Variants in FBXW8 observed in about 807,000 individuals in gnomAD.
The protein encoded by FBXW8 is F-box and WD repeat domain containing 8, also known as F-box/WD repeat-containing protein 8.
In FBXW8, 57 loss-of-function variants were observed where a neutral mutation model predicts 65.3. The observed-to-expected ratio is 0.87, with a 90% CI of 0.71 to 1.09. The LOEUF is 1.09. Among genes scored for constraint, FBXW8 ranks in the 50% least tolerant of loss-of-function variants. The probability of loss-of-function intolerance (pLI) is 0.00; values close to 1 mark genes in which losing one functional copy is unlikely to be tolerated. For missense variants in FBXW8, 777 were observed against 814.8 expected, an observed-to-expected ratio of 0.95 and a Z score of 0.57; for synonymous variants, 308 against 330.2, an observed-to-expected ratio of 0.93 and a Z score of 0.73.
chr12:116,955,303 G>A (rs1443297509), intron 4 of FBXW8, among the ~76,000 whole-genome samples: 3 of 152,196 alleles, frequency 2.0e-5, no homozygotes, highest in African/African-American at 4.8e-5. Flanking sequence ...GAGATAAGTG[G>A]ACGTGCCTTC....
chr12:116,999,489 A>T (rs1953455641), intron 7 of FBXW8, among the ~76,000 whole-genome samples: 1 of 152,220 alleles, frequency 6.6e-6, no homozygotes, highest in Admixed American at 6.5e-5. Flanking sequence ...CACAAGTTTT[A>T]AAAGTATGTT....
intron 2 of FBXW8, among the ~76,000 whole-genome samples, chr12:116,933,054 AGAGCCTAT>A (rs1192720222): frequency 6.6e-6 from 1 of 152,206 alleles, no homozygotes; most frequent in African/African-American, 2.4e-5. Flanking sequence ...AACTGTGCTC[AGAGCCTAT>A]GAGTTGCATT....
chr12:116,975,756 A>G (rs1229302775), intron 5 of FBXW8, among the ~76,000 whole-genome samples: 5 of 152,218 alleles, frequency 3.3e-5, no homozygotes, highest in Non-Finnish European at 4.4e-5. Flanking sequence ...GAAACAGCAG[A>G]CAATTGAGAG....
At chr12:116,982,956 C>T (rs1449766242) in intron 5 of FBXW8, among the ~76,000 whole-genome samples, 2 of 152,080 alleles carry the variant, frequency 1.3e-5, no homozygotes, top group African/African-American at 2.4e-5. Context: ...AACTTCATGA[C>T]GTACCAAGTC....
At chr12:117,022,354 T>C (rs1954118442) in intron 8 of FBXW8, among the ~76,000 whole-genome samples, 1 of 144,414 alleles carries the variant, frequency 6.9e-6, no homozygotes, top group Non-Finnish European at 1.5e-5. Context: ...AAAGAAACTA[T>C]TAAAAAAAAA....
intron 9 of FBXW8, among the ~76,000 whole-genome samples, chr12:117,025,767 G>A (rs1359143965): frequency 2.0e-5 from 3 of 152,282 alleles, no homozygotes; most frequent in East Asian, 1.9e-4. Flanking sequence ...TGAAATTCCC[G>A]GAAGCATTGC....
At chr12:116,924,321 G>T (rs1485305698) in intron 1 of FBXW8, among the ~76,000 whole-genome samples, 1 of 152,014 alleles carries the variant, frequency 6.6e-6, no homozygotes, top group Non-Finnish European at 1.5e-5. Flanking sequence ...CATTATAATT[G>T]TACATATTTA....
chr12:116,995,072 C>T (rs1051038111), intron 7 of FBXW8, among the ~76,000 whole-genome samples: 2 of 152,168 alleles, frequency 1.3e-5, no homozygotes, highest in African/African-American at 4.8e-5. Context: ...TCTGACTGGT[C>T]CTGCCCTTCA....
intron 2 of FBXW8, among the ~76,000 whole-genome samples, chr12:116,938,837 C>G (rs1882352226): frequency 1.3e-5 from 2 of 152,214 alleles, no homozygotes; most frequent in Non-Finnish European, 2.9e-5. Flanking sequence ...TGGGGCCAGT[C>G]TTGTGATCTA....
At chr12:117,010,585 A>T in intron 8 of FBXW8, 135 bp downstream of exon 8, 1 of 1,116,148 alleles carries the variant, frequency 9.0e-7, no homozygotes, top group Admixed American at 2.1e-5. Context: ...TCCCATAAAC[A>T]CTCTAGACTC....
intron 8 of FBXW8, 71 bp from the exon 9 acceptor site, chr12:117,024,076 G>A: frequency 6.6e-7 from 1 of 1,526,440 alleles, no homozygotes; most frequent in Non-Finnish European, 8.9e-7. Flanking sequence ...GCACCGTGGA[G>A]GGGGAGTTTG....
intron 7 of FBXW8, among the ~76,000 whole-genome samples, chr12:116,995,605 G>A (rs770956898): frequency 6.6e-5 from 10 of 152,176 alleles, no homozygotes; most frequent in Non-Finnish European, 1.5e-4. Flanking sequence ...GCTGTATGTA[G>A]GAAGAAGGGC....
At chr12:116,931,268 T>G (rs1881750511) in intron 2 of FBXW8, among the ~76,000 whole-genome samples, 1 of 152,274 alleles carries the variant, frequency 6.6e-6, no homozygotes, top group Non-Finnish European at 1.5e-5. Flanking sequence ...AGTGACATGC[T>G]GTGTACATTG....
At chr12:116,981,217 T>C (rs1363025143) in intron 5 of FBXW8, among the ~76,000 whole-genome samples, 2 of 152,224 alleles carry the variant, frequency 1.3e-5, no homozygotes, top group African/African-American at 4.8e-5. Context: ...ACTGATAAAT[T>C]GACCATTTAT....
At chr12:116,965,996 C>CA (rs1171697629) in intron 5 of FBXW8, among the ~76,000 whole-genome samples, 1 of 151,082 alleles carries the variant, frequency 6.6e-6, no homozygotes, top group Admixed American at 6.6e-5. Flanking sequence ...CTCCTGAGCT[C>CA]AAACTATCCA....
At chr12:116,980,542 ACAGTGT>A (rs1241690223) in intron 5 of FBXW8, 1 of 152,224 alleles carries the variant, frequency 6.6e-6, no homozygotes, top group Non-Finnish European at 1.5e-5. Flanking sequence ...TCACAAGTTC[ACAGTGT>A]CAGGAGCCAA....
At chr12:116,933,562 C>T (rs555307357) in intron 2 of FBXW8, among the ~76,000 whole-genome samples, 1 of 152,180 alleles carries the variant, frequency 6.6e-6, no homozygotes, top group Admixed American at 6.5e-5. Context: ...CACCAGAATT[C>T]TTCCCTCTAT....
chr12:116,977,682 C>T (rs1169682999), intron 5 of FBXW8: 3 of 152,192 alleles, frequency 2.0e-5, no homozygotes, highest in Non-Finnish European at 1.5e-5. Flanking sequence ...GAACACTGGC[C>T]TCAGTCTGAG....
intron 2 of FBXW8, among the ~76,000 whole-genome samples, chr12:116,934,495 A>T (rs1013663870): frequency 6.6e-6 from 1 of 152,206 alleles, no homozygotes; most frequent in Non-Finnish European, 1.5e-5. Context: ...TTAGTCGATA[A>T]CAATGATACA....
Sources: gnomAD v4.1 joint callset for allele counts (sites outside exome capture counted in the v4.1 genomes callset) on GRCh38, gnomAD v4.1.1 for gene constraint, MANE v1.5 for transcripts, NCBI Gene and HGNC (gene_info 2026-07-23, HGNC 2026-07-21) for gene names.